Variants in OPRM1 observed in about 807,000 individuals in gnomAD.
The protein encoded by OPRM1 is mu-type opioid receptor.
Under a neutral mutation model 31.8 loss-of-function variants are expected in OPRM1, and 27 were observed. The ratio of observed to expected loss-of-function variants is 0.85; its 90% CI spans 0.63 to 1.17. OPRM1 has a LOEUF of 1.17. Among genes scored for constraint, OPRM1 ranks in the 50% most tolerant of loss-of-function variants. The pLI, the probability that OPRM1 is intolerant of heterozygous loss-of-function variation, is 0.00. For synonymous variants in OPRM1, 196 were observed against 189.9 expected, an observed-to-expected ratio of 1.03 and a Z score of -0.26; for missense variants, 536 against 511.1, an observed-to-expected ratio of 1.05 and a Z score of -0.47.
Position 154,240,749 on chromosome 6 carries a change from T to C in OPRM1, c.1165-5944T>C, listed in dbSNP as rs533034368. 1.5e-4 allele frequency among the ~76,000 whole-genome samples: 23 copies of C among 152,322 alleles called. 3 individuals carry two copies. Among genetic ancestry groups the C allele is most frequent in the South Asian group, 6.2e-4 (3 of 4,830 alleles). On this transcript the variant is annotated intron_variant, in intron 3 of 3. Coordinates refer to the OPRM1 transcript ENST00000337049. ...CATGAAGTGTGCATGCAGCTAGAGA[T>C]GGAACACATCTCATGCAGACAGTTA...
Position 154,118,710 on chromosome 6 carries a change from C to T in OPRM1, c.1192C>T (p.Pro398Ser), listed in dbSNP as rs1797129807. 6.2e-7 allele frequency: 1 copy of T among 1,613,162 alleles called. No homozygotes were observed. Among genetic ancestry groups the T allele is most frequent in the Non-Finnish European group, 8.5e-7 (1 of 1,179,556 alleles). Residue 398 changes from proline to serine, a missense_variant, in exon 4 of 4, where the codon CCG becomes TCG. By Grantham distance (74) the Pro-to-Ser change is moderately conservative (BLOSUM62 -1). Transcript: ENST00000330432. ...QLENLEAETA[P>S]LP is the part of the protein sequence containing the mutation. Reference sequence around the variant, plus strand: ...AGAAAATCTGGAAGCAGAAACTGCTCCGTTGCCCTAACAGGGTCTCATGCC... The same window carrying T: ...AGAAAATCTGGAAGCAGAAACTGCTTCGTTGCCCTAACAGGGTCTCATGCC...
At position 154,127,141 on chromosome 6, in the gene OPRM1, T is replaced by C. The variant is rs1797638620; in HGVS notation, c.*8420T>C. ...AAAAAGTGCCACATGCCATGCTATG[T>C]GCCCAAAGTTTCCTTCACACAACAC... On this transcript the variant is annotated 3_prime_UTR_variant, in exon 4 of 4. Coordinates refer to ENST00000330432, the MANE Select transcript of OPRM1 (RefSeq NM_000914.5). Among the ~76,000 whole-genome samples, 1 of 151,452 alleles carries C rather than the reference T, an allele frequency of 6.6e-6. No individual in the cohort carries two copies.
chr6:154,032,096 T>G (rs754558575), intron 1 of OPRM1, among the ~76,000 whole-genome samples: 9 of 152,190 alleles, frequency 5.9e-5, no homozygotes, highest in Non-Finnish European at 1.2e-4. Flanking sequence ...ACTGTACAAC[T>G]CTGTATGAGC....
chr6:154,138,176 T>C (rs1159091232), intron 3 of OPRM1, among the ~76,000 whole-genome samples: 3 of 152,182 alleles, frequency 2.0e-5, no homozygotes, highest in Non-Finnish European at 4.4e-5. Flanking sequence ...TCTGAGCCTG[T>C]TTCTGCCACT....
At chr6:154,047,715 TTTTG>T (rs899669740) in intron 1 of OPRM1, among the ~76,000 whole-genome samples, 62 of 152,262 alleles carry the variant, frequency 4.1e-4, no homozygotes, top group African/African-American at 1.4e-3. Context: ...TAAGTACAAT[TTTTG>T]TTTGTTTGTT....
intron 3 of OPRM1, chr6:154,093,620 T>A (rs1792816196): frequency 8.4e-7 from 1 of 1,184,900 alleles, no homozygotes; most frequent in African/African-American, 1.5e-5. Context: ...TTAGGCCTTA[T>A]CTTCATCGCT....
intron 1 of OPRM1, chr6:154,011,086 A>G (rs1367168374): frequency 2.4e-6 from 3 of 1,261,456 alleles, no homozygotes; most frequent in African/African-American, 3.1e-5. Context: ...GAGGAGGAGT[A>G]AGGGCTGCTT....
At chr6:154,076,777 T>G (rs1787964157) in intron 1 of OPRM1, among the ~76,000 whole-genome samples, 1 of 152,206 alleles carries the variant, frequency 6.6e-6, no homozygotes, top group South Asian at 2.1e-4. Flanking sequence ...TTTGCTAAAT[T>G]TACTTTCCTG....
At chr6:154,204,145 G>A (rs904408380) in intron 3 of OPRM1, among the ~76,000 whole-genome samples, 1 of 152,120 alleles carries the variant, frequency 6.6e-6, no homozygotes, top group Non-Finnish European at 1.5e-5. Context: ...TTACATTAAA[G>A]ATTAATACTG....
At chr6:154,192,894 G>A (rs549541869) in intron 3 of OPRM1, among the ~76,000 whole-genome samples, 2 of 152,280 alleles carry the variant, frequency 1.3e-5, no homozygotes, top group South Asian at 2.1e-4. Flanking sequence ...GTGGTGAACA[G>A]GGATCACTTC....
At chr6:154,143,020 C>T (rs1023585753) in intron 3 of OPRM1, among the ~76,000 whole-genome samples, 5 of 152,076 alleles carry the variant, frequency 3.3e-5, no homozygotes, top group African/African-American at 1.2e-4. Flanking sequence ...TTTTGAACTC[C>T]CTGAACATTC....
At chr6:154,047,178 C>T (rs1781273626) in intron 1 of OPRM1, among the ~76,000 whole-genome samples, 1 of 149,520 alleles carries the variant, frequency 6.7e-6, no homozygotes, top group African/African-American at 2.5e-5. Context: ...TTCATTCCCC[C>T]CACCCCCACC....
chr6:154,148,026 G>A (rs1935505212), intron 3 of OPRM1, among the ~76,000 whole-genome samples: 1 of 152,208 alleles, frequency 6.6e-6, no homozygotes, highest in African/African-American at 2.4e-5. Flanking sequence ...TCCACTGGCA[G>A]GTGCCTCACC....
chr6:154,127,582 C>T lies in OPRM1; in HGVS notation c.*8861C>T, dbSNP rs1797664998. On this transcript the variant is annotated 3_prime_UTR_variant, in exon 4 of 4. Transcript: ENST00000330432. ...CCACCAATTGAGATGTACCTGTGCTCATGACTTGACATTGTGGTGGGCCGG... is the reference window on the plus strand; with the variant it reads ...CCACCAATTGAGATGTACCTGTGCTTATGACTTGACATTGTGGTGGGCCGG... Among the ~76,000 whole-genome samples, 1 of 152,226 alleles carries T rather than the reference C, an allele frequency of 6.6e-6. No individual in the cohort carries two copies. Among genetic ancestry groups the T allele is most frequent in the Admixed American group, 6.5e-5 (1 of 15,286 alleles).
intron 1 of OPRM1, among the ~76,000 whole-genome samples, chr6:154,085,163 T>G (rs999644154): frequency 7.2e-5 from 11 of 152,172 alleles, no homozygotes; most frequent in African/African-American, 2.7e-4. Context: ...GTAGTAATAG[T>G]TGGAGAAATG....
Position 154,121,497 on chromosome 6 carries a change from T to A in OPRM1, c.*2776T>A, listed in dbSNP as rs1797297266. Among the ~76,000 whole-genome samples the A allele has an allele frequency of 6.6e-6, 1 of 152,146 alleles. No homozygotes were observed. Among genetic ancestry groups the A allele is most frequent in the Admixed American group, 6.6e-5 (1 of 15,264 alleles). On this transcript the variant is annotated 3_prime_UTR_variant, in exon 4 of 4. Transcript: ENST00000330432. ...AACATTGAAATAGACAGTTGAAGTT[T>A]TAAAATAACCTCTTCTAAGACACGG...
chr6:154,220,669 A>G (rs1184861179), intron 3 of OPRM1, among the ~76,000 whole-genome samples: 1 of 152,150 alleles, frequency 6.6e-6, no homozygotes, highest in African/African-American at 2.4e-5. Flanking sequence ...AATAACAGCT[A>G]TTGTGATCAC....
At chr6:154,228,330 G>A (rs999011197) in intron 3 of OPRM1, among the ~76,000 whole-genome samples, 21 of 151,984 alleles carry the variant, frequency 1.4e-4, no homozygotes, top group African/African-American at 4.8e-4. Flanking sequence ...GTTTCCTCCA[G>A]GTTCTATGCT....
At chr6:154,218,637 C>CT (rs1447116496) in intron 3 of OPRM1, among the ~76,000 whole-genome samples, 1 of 152,206 alleles carries the variant, frequency 6.6e-6, no homozygotes, top group Non-Finnish European at 1.5e-5. Context: ...AAGTAAATCT[C>CT]TATCATCTGC....
Sources: allele counts gnomAD v4.1 joint callset (sites outside exome capture counted in the v4.1 genomes callset), GRCh38; gene constraint gnomAD v4.1.1; transcripts MANE v1.5; gene names NCBI Gene and HGNC (gene_info 2026-07-23, HGNC 2026-07-21).